The following IFT80 variants were observed in gnomAD, a reference collection of about 807,000 sequenced individuals.
IFT80 encodes the protein intraflagellar transport protein 80 homolog.
In IFT80, 79 loss-of-function variants were observed where a neutral mutation model predicts 107.9. That is an observed-to-expected ratio of 0.73 (90% CI 0.61 to 0.88). The LOEUF (loss-of-function observed/expected upper bound fraction) is 0.88. Ranked by LOEUF, IFT80 falls within the 40% of genes least tolerant of loss-of-function variation. The pLI is 0.00. For synonymous variants in IFT80, 299 were observed against 300.9 expected, an observed-to-expected ratio of 0.99 and a Z score of 0.07; for missense variants, 797 against 914.2, an observed-to-expected ratio of 0.87 and a Z score of 1.65.
chr3:160,261,801 CAAAAA>C (rs557472950), intron 19 of IFT80, among the ~76,000 whole-genome samples: 2 of 66,738 alleles, frequency 3.0e-5, no homozygotes, highest in Non-Finnish European at 3.5e-5. Flanking sequence ...GACCCTGTCT[CAAAAA>C]AAAAAAAAAA....
At chr3:160,291,884 T>C (rs1715587485) in intron 12 of IFT80, among the ~76,000 whole-genome samples, 1 of 152,214 alleles carries the variant, frequency 6.6e-6, no homozygotes, top group Non-Finnish European at 1.5e-5. Flanking sequence ...GGATGCCTGC[T>C]TGAGGTGGCC....
At chr3:160,294,939 C>T (rs1715858987) in intron 12 of IFT80, among the ~76,000 whole-genome samples, 1 of 152,200 alleles carries the variant, frequency 6.6e-6, no homozygotes. Flanking sequence ...AGCATTACTT[C>T]TAAAGTGTTT....
intron 18 of IFT80, among the ~76,000 whole-genome samples, chr3:160,276,346 G>A (rs1446880115): frequency 6.6e-6 from 1 of 152,030 alleles, no homozygotes; most frequent in African/African-American, 2.4e-5. Context: ...TTAACCATCT[G>A]CCATTTTTGT....
intron 8 of IFT80, among the ~76,000 whole-genome samples, chr3:160,323,251 A>G (rs1718405161): frequency 6.7e-6 from 1 of 150,150 alleles, no homozygotes; most frequent in East Asian, 1.9e-4. Flanking sequence ...AGCTTTCTAC[A>G]TATGGCTAGC....
intron 2 of IFT80, 123 bp downstream of exon 2, chr3:160,384,441 T>C (rs996175474): frequency 2.0e-5 from 28 of 1,375,608 alleles, no homozygotes; most frequent in Admixed American, 1.0e-4. Context: ...ACAATTTAGG[T>C]AAACAGCCAC....
At chr3:160,307,221 C>T (rs1716891805) in intron 10 of IFT80, among the ~76,000 whole-genome samples, 1 of 152,126 alleles carries the variant, frequency 6.6e-6, no homozygotes, top group Non-Finnish European at 1.5e-5. Flanking sequence ...GATCACAGCT[C>T]ACTGCACCCT....
At chr3:160,394,501 G>A (rs191847850) in intron 1 of IFT80, among the ~76,000 whole-genome samples, 2 of 152,290 alleles carry the variant, frequency 1.3e-5, no homozygotes, top group African/African-American at 2.4e-5. Context: ...TTGCGAAAGT[G>A]TATGTGTACG....
chr3:160,366,300 A>G (rs1721860213), intron 5 of IFT80, 148 bp from the exon 6 acceptor site: 1 of 651,024 alleles, frequency 1.5e-6, no homozygotes, highest in Admixed American at 2.6e-5. Context: ...ATTAGAGTAT[A>G]TAGTCTGATG....
chr3:160,393,911 C>T (rs1713569277), intron 1 of IFT80, among the ~76,000 whole-genome samples: 1 of 152,128 alleles, frequency 6.6e-6, no homozygotes, highest in Admixed American at 6.5e-5. Context: ...GGGTCACTTG[C>T]ATACTAGTTA....
intron 9 of IFT80, 54 bp from the exon 10 acceptor site, chr3:160,307,835 TTTAGA>T (rs1716938495): frequency 1.1e-6 from 1 of 906,298 alleles, no homozygotes; most frequent in African/African-American, 1.7e-5. Context: ...CCAAATTTTA[TTTAGA>T]TAAGTTAGCA....
At chr3:160,278,254 G>A (rs1288227609) in intron 16 of IFT80, among the ~76,000 whole-genome samples, 1 of 152,148 alleles carries the variant, frequency 6.6e-6, no homozygotes, top group Non-Finnish European at 1.5e-5. Context: ...ATGCTACCTG[G>A]GACTGGGGAT....
chr3:160,397,179 A>G (rs1024217532), intron 1 of IFT80, among the ~76,000 whole-genome samples: 2 of 128,986 alleles, frequency 1.6e-5, no homozygotes, highest in Non-Finnish European at 3.3e-5. Flanking sequence ...AAATGACTCC[A>G]GATTTTTTTC....
At chr3:160,364,234 C>T (rs553908879) in intron 6 of IFT80, among the ~76,000 whole-genome samples, 2 of 152,018 alleles carry the variant, frequency 1.3e-5, no homozygotes, top group Non-Finnish European at 2.9e-5. Context: ...TTTATGCAGC[C>T]AACAGATACA....
chr3:160,288,316 G>C (rs1455997480), intron 12 of IFT80, among the ~76,000 whole-genome samples: 4 of 152,146 alleles, frequency 2.6e-5, no homozygotes, highest in Non-Finnish European at 5.9e-5. Flanking sequence ...CTGGGTGACA[G>C]AGCGAGACTC....
intron 19 of IFT80, among the ~76,000 whole-genome samples, chr3:160,260,588 C>T (rs1448205100): frequency 6.6e-6 from 1 of 152,180 alleles, no homozygotes; most frequent in Non-Finnish European, 1.5e-5. Flanking sequence ...AAATGTTTCA[C>T]TTTCGCTTTG....
rs143620541 is a variant in IFT80, at chr3:160,329,671, C to T, written c.778-9732G>A. Among the ~76,000 whole-genome samples, 835 of 152,246 alleles carry T rather than the reference C, an allele frequency of 5.5e-3. 11 individuals are homozygous for T. Among genetic ancestry groups the T allele is most frequent in the African/African-American group, 0.019 (806 of 41,546 alleles). Reference sequence around the variant, plus strand: ...TTCCCCTAGTTTATTAGCATTAGATCGTAACCTCTTTGTCCAATCATACTT... The same window carrying T: ...TTCCCCTAGTTTATTAGCATTAGATTGTAACCTCTTTGTCCAATCATACTT... On this transcript the variant is annotated intron_variant, in intron 8 of 19. Transcript: ENST00000326448.
At chr3:160,376,513 C>A (rs1712039737) in intron 4 of IFT80, among the ~76,000 whole-genome samples, 2 of 152,178 alleles carry the variant, frequency 1.3e-5, no homozygotes, top group African/African-American at 4.8e-5. Context: ...AGAGAAGGCC[C>A]ACAGTATAGG....
chr3:160,324,751 T>C (rs1020995848), intron 8 of IFT80, among the ~76,000 whole-genome samples: 2 of 152,130 alleles, frequency 1.3e-5, no homozygotes, highest in Admixed American at 1.3e-4. Context: ...ACCACTCCTA[T>C]TCAACATAGT....
chr3:160,365,822 C>T (rs1256259041), intron 6 of IFT80, among the ~76,000 whole-genome samples: 1 of 152,018 alleles, frequency 6.6e-6, no homozygotes. Context: ...ATTAGCAAAA[C>T]TATGCTGTAT....
Sources: allele counts gnomAD v4.1 joint callset (sites outside exome capture counted in the v4.1 genomes callset), GRCh38; gene constraint gnomAD v4.1.1; transcripts MANE v1.5; gene names NCBI Gene and HGNC (gene_info 2026-07-23, HGNC 2026-07-21).